The following OR5A1 variants were observed in gnomAD, a reference collection of about 807,000 sequenced individuals.
The protein encoded by OR5A1 is olfactory receptor 5A1.
OR5A1 carries 6 observed loss-of-function variants against 6.7 expected under a neutral mutation model. The observed-to-expected ratio is 0.89, with a 90% confidence interval of 0.49 to 1.76. The LOEUF (loss-of-function observed/expected upper bound fraction) is 1.76. Ranked by LOEUF, OR5A1 falls within the 40% of genes most tolerant of loss-of-function variation. The probability of loss-of-function intolerance (pLI) is 0.01; values close to 1 mark genes in which losing one functional copy is unlikely to be tolerated. For synonymous variants in OR5A1, 170 were observed against 155.0 expected (o/e 1.10, Z -0.72); for missense variants, 378 against 381.7 (o/e 0.99, Z 0.08).
intron 1 of OR5A1, among the ~76,000 whole-genome samples, chr11:59,441,982 AGATAGAT>A (rs1343249051): frequency 1.5e-5 from 2 of 134,490 alleles, no homozygotes; most frequent in East Asian, 2.2e-4. Context: ...ATAGATAGAT[AGATAGAT>A]GATAGATGAT....
In OR5A1 at chr11:59,445,992, G is replaced by T. The variant is rs1858544127; in HGVS notation, c.*1876G>T. 6.6e-6 allele frequency: 1 copy of T among 152,016 alleles called. No individual in the cohort carries two copies. Among genetic ancestry groups the T allele is most frequent in the African/African-American group, 2.4e-5 (1 of 41,376 alleles). 9.4% of individuals were successfully genotyped at this position (152,016 alleles called of 1,614,324 possible). ...TTGCAGAATCTCTTTAGTTTAATTA[G>T]ATCCCATTTGCCAATGTTTGCTTTT... On this transcript the variant is annotated 3_prime_UTR_variant, in exon 2 of 2. Transcript: ENST00000641045.
rs537734685 is a variant in OR5A1 at position 59,446,166 on chromosome 11, G to A, written c.*2050G>A. The A allele has an allele frequency of 1.3e-5, 2 of 152,274 alleles. No homozygotes were observed. The highest frequency in any genetic ancestry group is 2.9e-5 in the Non-Finnish European group (2 of 68,018). 9.4% of individuals were successfully genotyped at this position (152,274 alleles called of 1,614,324 possible). ...CATCTTGAGTTAATTTTTGTATAAAGTTTAAGGAACTGGTCCATTTTCAAT... is the reference window on the plus strand; with the variant it reads ...CATCTTGAGTTAATTTTTGTATAAAATTTAAGGAACTGGTCCATTTTCAAT... On this transcript the variant is annotated 3_prime_UTR_variant, in exon 2 of 2. Transcript: ENST00000641045.
Position 59,447,971 on chromosome 11 carries a change from T to C in OR5A1, c.*3855T>C, listed in dbSNP as rs1858571864. ...ACTCCTTTAAATCAGGGGTGTCCAA[T>C]CTTTTGGCTTCCCTGGGCAACATTG... On this transcript the variant is annotated 3_prime_UTR_variant, in exon 2 of 2. Coordinates refer to ENST00000641045, the MANE Select transcript of OR5A1 (RefSeq NM_001004728.2). 1 of 152,144 alleles carries C rather than the reference T, an allele frequency of 6.6e-6. No individual in the cohort carries two copies. The highest frequency in any genetic ancestry group is 6.5e-5 in the Admixed American group (1 of 15,274). The allele number at this position is 152,144 out of a possible 1,614,324, so 9.4% of individuals were successfully genotyped here. A position where few individuals can be genotyped will look rare whatever the true frequency, so the allele number is the denominator to read the frequency against.
chr11:59,445,146 C>A lies in OR5A1; in HGVS notation c.*1030C>A, dbSNP rs1211899432. 3 of 152,250 alleles carry A rather than the reference C, an allele frequency of 2.0e-5. No homozygotes were observed. In the East Asian group the frequency reaches 5.8e-4, roughly 29 times the overall value. 9.4% of individuals were successfully genotyped at this position (152,250 alleles called of 1,614,324 possible). On this transcript the variant is annotated 3_prime_UTR_variant, in exon 2 of 2. Transcript: ENST00000641045. ...AGCCCCACATCCGTTAGCTATTTAT[C>A]CCGATGCTCTCCCTCCTCCCTGCCT...
chr11:59,436,914 A>ATGGTTACCTATAT lies in OR5A1; in HGVS notation c.-34+79_-34+80insTGGTTACCTATAT, dbSNP rs1858422559. On this transcript the variant is annotated intron_variant, in intron 1 of 1. Coordinates refer to ENST00000641045, the MANE Select transcript of OR5A1 (RefSeq NM_001004728.2). ...ATTCCCTATATCCACAAGCCCATAT[A>ATGGTTACCTATAT]GGTAACCAATAAGTTCTTTGACTTT... The ATGGTTACCTATAT allele has an allele frequency of 2.0e-5, 3 of 152,336 alleles. No individual in the cohort carries two copies. In the East Asian group the frequency reaches 5.8e-4, roughly 29 times the overall value. The allele number at this position is 152,336 out of a possible 1,614,324, so 9.4% of individuals were successfully genotyped here.
In OR5A1 at chr11:59,446,199, A is replaced by G. The variant is rs1858547480; in HGVS notation, c.*2083A>G. The stretch of plus-strand genomic sequence containing the variant: ...AACTGGTCCATTTTCAATTTTCTGT[A>G]TATGGCTAGCCAGTTTTCCCAGCAC... On this transcript the variant is annotated 3_prime_UTR_variant, in exon 2 of 2. Transcript: ENST00000641045. 6.6e-6 allele frequency: 1 copy of G among 152,162 alleles called. No individual in the cohort carries two copies. The highest frequency in any genetic ancestry group is 2.4e-5 in the African/African-American group (1 of 41,442). The allele number at this position is 152,162 out of a possible 1,614,324, so 9.4% of individuals were successfully genotyped here.
intron 1 of OR5A1, 84 bp from the exon 2 acceptor site, chr11:59,443,052 C>T (rs191552314): frequency 1.3e-3 from 899 of 693,576 alleles, no homozygotes; most frequent in Admixed American, 2.2e-3. Context: ...AAGCTGTAAC[C>T]TGTAATCCTC....
In OR5A1 at chr11:59,448,326, G is replaced by A. The variant is rs1264742103; in HGVS notation, c.*4210G>A. 3 of 152,062 alleles carry A rather than the reference G, an allele frequency of 2.0e-5. No homozygotes were observed. The East Asian group carries it at 5.8e-4, about 29-fold the overall frequency. 9.4% of individuals were successfully genotyped at this position (152,062 alleles called of 1,614,324 possible). A position where few individuals can be genotyped will look rare whatever the true frequency, so the allele number is the denominator to read the frequency against. On this transcript the variant is annotated 3_prime_UTR_variant, in exon 2 of 2. Transcript: ENST00000641045. ...AAGATCTTTAAGGTTACTTCACTCT[G>A]ATCCTCTAAGAAGTCCTAAACTGAA...
In OR5A1 at chr11:59,443,524, C is replaced by A. The variant is rs902876845; in HGVS notation, c.356C>A (p.Thr119Asn). The change falls in exon 2 of 2, where the codon ACT (threonine) becomes AAT (asparagine). Residue 119 changes from threonine to asparagine, a missense_variant. Coordinates refer to ENST00000641045, the MANE Select transcript of OR5A1 (RefSeq NM_001004728.2). ...GGTCTGTCTGAGTGCCTCCTCCTGA[C>A]TGCTATGGCATACGACCGATATGCA... ...GMGLSECLLL[T>N]AMAYDRYAAI... 1 of 1,614,028 alleles carries A rather than the reference C, an allele frequency of 6.2e-7. No individual in the cohort carries two copies. Among genetic ancestry groups the A allele is most frequent in the Admixed American group, 1.7e-5 (1 of 59,994 alleles).
rs997445124 is a variant in OR5A1 at position 59,446,896 on chromosome 11, TAAAC to T, written c.*2783_*2786del. On this transcript the variant is annotated 3_prime_UTR_variant, in exon 2 of 2. Coordinates refer to ENST00000641045, the MANE Select transcript of OR5A1 (RefSeq NM_001004728.2). ...TATTTCCTCCATATCTGGAAGAACA[TAAAC>T]AATGCATAGGAAAGCAGAGATCCCT... 2.0e-5 allele frequency: 3 copies of T among 152,206 alleles called. No homozygotes were observed. The highest frequency in any genetic ancestry group is 2.9e-5 in the Non-Finnish European group (2 of 68,024). 9.4% of individuals were successfully genotyped at this position (152,206 alleles called of 1,614,324 possible).
Position 59,443,914 on chromosome 11 carries a change from TG to T in OR5A1, c.748del (p.Val250TrpfsTer2), listed in dbSNP as rs767185482. ...KACNTCASHL[M>X]VVTLLFGTAL... ...TGCAACACGTGTGCCTCGCATCTGA[TG>T]GTGGTGACTCTGCTGTTTGGGACAG... On this transcript the variant is annotated frameshift_variant, in exon 2 of 2. Transcript: ENST00000641045. LOFTEE classifies it high-confidence loss of function. 1.9e-6 allele frequency: 3 copies of T among 1,614,104 alleles called. No individual in the cohort carries two copies. The South Asian group carries it at 3.3e-5, about 18-fold the overall frequency.
intron 1 of OR5A1, among the ~76,000 whole-genome samples, chr11:59,440,550 A>G (rs1273340149): frequency 6.6e-6 from 1 of 152,168 alleles, no homozygotes; most frequent in Non-Finnish European, 1.5e-5. Flanking sequence ...TCTAACCTGA[A>G]TGGGTGCCCC....
intron 1 of OR5A1, among the ~76,000 whole-genome samples, chr11:59,441,981 T>C (rs936544559): frequency 1.5e-5 from 2 of 137,730 alleles, no homozygotes; most frequent in African/African-American, 5.5e-5. Context: ...GATAGATAGA[T>C]AGATAGATGA....
intron 1 of OR5A1, among the ~76,000 whole-genome samples, chr11:59,442,833 A>G (rs1471099116): frequency 6.6e-6 from 1 of 152,234 alleles, no homozygotes; most frequent in Non-Finnish European, 1.5e-5. Context: ...TCCAGTTTTA[A>G]GGATAAATAA....
intron 1 of OR5A1, among the ~76,000 whole-genome samples, chr11:59,441,156 CAAAT>C: frequency 6.6e-6 from 1 of 152,176 alleles, no homozygotes; most frequent in Non-Finnish European, 1.5e-5. Context: ...AAATTTGGCG[CAAAT>C]AGAGTATTAC....
intron 1 of OR5A1, among the ~76,000 whole-genome samples, chr11:59,441,315 A>G (rs1156254248): frequency 6.6e-6 from 1 of 152,224 alleles, no homozygotes; most frequent in African/African-American, 2.4e-5. Context: ...AAGAGTTATT[A>G]TTTCAGGAGA....
Position 59,446,828 on chromosome 11 carries a change from A to G in OR5A1, c.*2712A>G, listed in dbSNP as rs1858555361. 6.6e-6 allele frequency: 1 copy of G among 152,190 alleles called. No homozygotes were observed. The highest frequency in any genetic ancestry group is 2.4e-5 in the African/African-American group (1 of 41,424). 9.4% of individuals were successfully genotyped at this position (152,190 alleles called of 1,614,324 possible). On this transcript the variant is annotated 3_prime_UTR_variant, in exon 2 of 2. Coordinates refer to ENST00000641045, the MANE Select transcript of OR5A1 (RefSeq NM_001004728.2). ...TTTTCCATTGATGTAGGTCAATTGG[A>G]TAAGTAGATATTTGATTTGATTGTT...
rs942665808 is a variant in OR5A1 at position 59,446,271 on chromosome 11, G to A, written c.*2155G>A. ...TTTCCCCATTGCTTGTCTTTATCAG[G>A]TTTGTCAAAGATTCAATGGTTGTAG... On this transcript the variant is annotated 3_prime_UTR_variant, in exon 2 of 2. Coordinates refer to ENST00000641045, the MANE Select transcript of OR5A1 (RefSeq NM_001004728.2). The A allele has an allele frequency of 2.0e-5, 3 of 152,052 alleles. No individual in the cohort carries two copies. The highest frequency in any genetic ancestry group is 4.8e-5 in the African/African-American group (2 of 41,384). 9.4% of individuals were successfully genotyped at this position (152,052 alleles called of 1,614,324 possible).
In OR5A1 at chr11:59,445,968, T is replaced by G. The variant is rs572166832; in HGVS notation, c.*1852T>G. 12 of 152,348 alleles carry G rather than the reference T, an allele frequency of 7.9e-5. No homozygotes were observed. Among genetic ancestry groups the G allele is most frequent in the African/African-American group, 2.9e-4 (12 of 41,588 alleles). The allele number at this position is 152,348 out of a possible 1,614,324, so 9.4% of individuals were successfully genotyped here. On this transcript the variant is annotated 3_prime_UTR_variant, in exon 2 of 2. Coordinates refer to ENST00000641045, the MANE Select transcript of OR5A1 (RefSeq NM_001004728.2). ...TGTTCATTCTAATGATAGCTTCTTT[T>G]GCAGAATCTCTTTAGTTTAATTAGA...
Sources: allele counts gnomAD v4.1 joint callset (sites outside exome capture counted in the v4.1 genomes callset), GRCh38; gene constraint gnomAD v4.1.1; transcripts MANE v1.5; gene names NCBI Gene and HGNC (gene_info 2026-07-23, HGNC 2026-07-21).